Variants in SLC17A2 observed in about 807,000 individuals in gnomAD.
SLC17A2 encodes the protein sodium-dependent phosphate transport protein 3.
In SLC17A2, 38 loss-of-function variants were observed where a neutral mutation model predicts 52.1. That is an observed-to-expected ratio of 0.73 (90% CI 0.56 to 0.96). The LOEUF is 0.96. SLC17A2 is among the 40% of genes least tolerant of loss of function. The pLI is 0.00. For missense variants in SLC17A2, 508 were observed against 583.9 expected (o/e 0.87, Z 1.34); for synonymous variants, 226 against 211.9 (o/e 1.07, Z -0.58).
intron 8 of SLC17A2, among the ~76,000 whole-genome samples, chr6:25,916,120 G>A (rs1010993956): frequency 3.3e-5 from 5 of 152,050 alleles, no homozygotes; most frequent in Admixed American, 2.0e-4. Context: ...TTACTCTGTC[G>A]CCCAGGCTGG....
chr6:25,915,578 T>C lies in SLC17A2; in HGVS notation c.1132A>G (p.Ile378Val), dbSNP rs1260597702. The C allele has an allele frequency of 2.5e-6, 4 of 1,609,906 alleles. No individual in the cohort carries two copies. The Admixed American group carries it at 6.8e-5, about 27-fold the overall frequency. ...FVASSYVITI[I>V]LLILIPGTSN... ...GTCCCAGGAATAAGTATCAGCAAAATAATGGTTATCACGTAACTGGAGGCC... is the reference window on the plus strand; with the variant it reads ...GTCCCAGGAATAAGTATCAGCAAAACAATGGTTATCACGTAACTGGAGGCC... Residue 378 changes from isoleucine to valine, a missense_variant, in exon 10 of 12, where the codon ATT becomes GTT. Coordinates refer to ENST00000377850, the MANE Select transcript of SLC17A2 (RefSeq NM_001286123.3).
In SLC17A2 at chr6:25,919,579, A is replaced by G. The variant is rs373270767; in HGVS notation, c.563-1006T>C. Among the ~76,000 whole-genome samples, 276 of 151,646 alleles carry G rather than the reference A, an allele frequency of 1.8e-3. 1 individual carries two copies. The highest frequency in any genetic ancestry group is 6.8e-3 in the Middle Eastern group (2 of 292). On this transcript the variant is annotated intron_variant, in intron 5 of 11. Transcript: ENST00000377850. ...GCCGGTCATGGTGGCAGGCGCCTGT[A>G]GTCCCAGCTACTCGGGAGGCTGAGG...
In SLC17A2 at chr6:25,930,347, G is replaced by A. The variant is rs988238611; in HGVS notation, c.-154C>T. ...CAGTGGCTTCTCAAGCCTTGCCCTA[G>A]GGTCTTCATTGAATCAGTTATCTTT... is the stretch of plus-strand genomic sequence containing the variant. On this transcript the variant is annotated 5_prime_UTR_variant, in exon 1 of 12. Transcript: ENST00000377850. 2 of 152,180 alleles carry A rather than the reference G, an allele frequency of 1.3e-5. No individual in the cohort carries two copies. Among genetic ancestry groups the A allele is most frequent in the Non-Finnish European group, 2.9e-5 (2 of 68,050 alleles). The allele number at this position is 152,180 out of a possible 1,614,324, so 9.4% of individuals were successfully genotyped here.
Position 25,915,629 on chromosome 6 carries a change from T to A in SLC17A2, c.1081A>T (p.Ile361Leu). Residue 361 changes from isoleucine (I) to leucine (L), a missense_variant, in exon 10 of 12, where the codon ATA becomes TTA. By Grantham distance (5) the Ile-to-Leu change is conservative. Coordinates refer to ENST00000377850, the MANE Select transcript of SLC17A2 (RefSeq NM_001286123.3). ...FSSLGLLLPS[I>L]CAVALPFVAS... ...ACAAAGGGCAGGGCCACAGCACATA[T>A]TGATGGAAGGAGGAGCCCTGGGCAA... is the stretch of plus-strand genomic sequence containing the variant. 1 of 1,613,784 alleles carries A rather than the reference T, an allele frequency of 6.2e-7. No homozygotes were observed. Among genetic ancestry groups the A allele is most frequent in the East Asian group, 2.2e-5 (1 of 44,882 alleles).
At chr6:25,929,055 A>T (rs921085318) in intron 1 of SLC17A2, among the ~76,000 whole-genome samples, 25 of 152,210 alleles carry the variant, frequency 1.6e-4, no homozygotes, top group Non-Finnish European at 3.4e-4. Flanking sequence ...TGATTTTATT[A>T]TAATGGTCGT....
chr6:25,915,945 A>G (rs1286260306), intron 8 of SLC17A2, 77 bp from the exon 9 acceptor site: 2 of 1,397,640 alleles, frequency 1.4e-6, no homozygotes, highest in Non-Finnish European at 2.0e-6. Flanking sequence ...CAGACCAGCC[A>G]TTAACTTACC....
intron 10 of SLC17A2, 103 bp downstream of exon 10, chr6:25,915,396 A>G (rs1027300076): frequency 2.0e-6 from 2 of 981,042 alleles, no homozygotes; most frequent in Non-Finnish European, 2.9e-6. Context: ...TCATTCTGCC[A>G]TTAGTGCAAT....
chr6:25,915,974 G>C, intron 8 of SLC17A2, 106 bp from the exon 9 acceptor site: 1 of 1,055,260 alleles, frequency 9.5e-7, no homozygotes, highest in East Asian at 2.6e-5. Context: ...ACTGTGGGTT[G>C]TTTGGGGGAA....
chr6:25,917,803 A>T (rs1343686038), intron 6 of SLC17A2, among the ~76,000 whole-genome samples: 1 of 152,244 alleles, frequency 6.6e-6, no homozygotes, highest in Non-Finnish European at 1.5e-5. Context: ...CCCTCTAATT[A>T]CTGGATTCAC....
At chr6:25,918,726 G>A (rs1235972387) in intron 5 of SLC17A2, among the ~76,000 whole-genome samples, 153 bp from the exon 6 acceptor site, 1 of 152,204 alleles carries the variant, frequency 6.6e-6, no homozygotes. Context: ...ATTTTCCCCA[G>A]TAAAGTAATA....
At chr6:25,914,799 TA>T in intron 10 of SLC17A2, 129 bp from the exon 11 acceptor site, 1 of 623,306 alleles carries the variant, frequency 1.6e-6, no homozygotes. Context: ...TTCATTCACC[TA>T]AAGACATTCA....
rs1378737043 is a variant in SLC17A2, at chr6:25,921,019, G to A, written c.549C>T (p.Thr183=). Residue 183 remains threonine (T), a synonymous_variant, in exon 5 of 12, where the codon ACC becomes ACT. Transcript: ENST00000377850. The stretch of plus-strand genomic sequence containing the variant: ...GTGCACACTTACCTGATCCTGCAAT[G>A]GTGGTGAGCTTGCTTCGTTCAAGTG... ...APPLERSKLT[T]IAGSGSAFGS... 2 of 1,614,146 alleles carry A rather than the reference G, an allele frequency of 1.2e-6. No homozygotes were observed. The highest frequency in any genetic ancestry group is 2.2e-5 in the East Asian group (1 of 44,888).
chr6:25,929,545 C>T (rs1561884782), intron 1 of SLC17A2, among the ~76,000 whole-genome samples: 2 of 152,166 alleles, frequency 1.3e-5, no homozygotes, highest in African/African-American at 2.4e-5. Flanking sequence ...AAAGTGGATT[C>T]TTCTGGCCTG....
chr6:25,923,762 G>T lies in SLC17A2; in HGVS notation c.173C>A (p.Ser58Tyr), dbSNP rs866173789. The T allele has an allele frequency of 5.0e-6, 8 of 1,614,080 alleles. No homozygotes were observed. Among genetic ancestry groups the T allele is most frequent in the Middle Eastern group, 1.6e-4 (1 of 6,076 alleles). ...GGCATCTGCAACAGGCCCCTCAGTG[G>T]AGGCATTAGATAGACCTTGCTGCTG... is the stretch of plus-strand genomic sequence containing the variant. ...TTQQQGLSNA[S>Y]TEGPVADAFN... is the part of the protein sequence containing the mutation. The change falls in exon 3 of 12, where the codon TCC becomes TAC. Residue 58 changes from serine to tyrosine, a missense_variant. Transcript: ENST00000377850.
intron 3 of SLC17A2, among the ~76,000 whole-genome samples, chr6:25,923,452 AACT>A (rs1766632051): frequency 6.6e-6 from 1 of 152,210 alleles, no homozygotes; most frequent in Non-Finnish European, 1.5e-5. Context: ...ACATCACATA[AACT>A]GTTCCATTTT....
At chr6:25,924,739 G>A (rs2151556641) in intron 2 of SLC17A2, among the ~76,000 whole-genome samples, 1 of 151,604 alleles carries the variant, frequency 6.6e-6, no homozygotes, top group African/African-American at 2.4e-5. Flanking sequence ...AACCCAGGAG[G>A]CAGAGGTTGC....
chr6:25,926,396 T>A (rs1338478707), intron 1 of SLC17A2, among the ~76,000 whole-genome samples: 1 of 152,190 alleles, frequency 6.6e-6, no homozygotes, highest in East Asian at 1.9e-4. Context: ...AACACTAATA[T>A]GTATTACATT....
intron 1 of SLC17A2, among the ~76,000 whole-genome samples, chr6:25,926,335 C>T (rs1230546324): frequency 1.3e-5 from 2 of 152,144 alleles, no homozygotes; most frequent in Non-Finnish European, 2.9e-5. Context: ...CCCCTCTGTA[C>T]CACCAGAACA....
Position 25,916,850 on chromosome 6 carries a change from A to T in SLC17A2, c.769-4T>A. 1.2e-6 allele frequency: 2 copies of T among 1,614,146 alleles called. No homozygotes were observed. Among genetic ancestry groups the T allele is most frequent in the Non-Finnish European group, 1.7e-6 (2 of 1,180,016 alleles). On this transcript the variant is annotated splice_region_variant and splice_polypyrimidine_tract_variant and intron_variant, in intron 7 of 11. Coordinates refer to ENST00000377850, the MANE Select transcript of SLC17A2 (RefSeq NM_001286123.3). Reference sequence around the variant, plus strand: ...CAGCTCGTCCAGGAGAACTGGGCTGAAAAGAAAGATCTAATCAGCATGAGT... The same window carrying T: ...CAGCTCGTCCAGGAGAACTGGGCTGTAAAGAAAGATCTAATCAGCATGAGT...
Sources: gnomAD v4.1 joint callset for allele counts (sites outside exome capture counted in the v4.1 genomes callset) on GRCh38, gnomAD v4.1.1 for gene constraint, MANE v1.5 for transcripts, NCBI Gene and HGNC (gene_info 2026-07-23, HGNC 2026-07-21) for gene names.